PLPP2: variants seen among roughly 807,000 people sequenced by gnomAD.
The protein encoded by PLPP2 is phospholipid phosphatase 2.
PLPP2 carries 29 observed loss-of-function variants against 35.2 expected under a neutral mutation model. The observed-to-expected ratio is 0.82, with a 90% confidence interval of 0.61 to 1.12. The LOEUF (loss-of-function observed/expected upper bound fraction) is 1.12. Ranked by LOEUF, PLPP2 falls within the 50% of genes most tolerant of loss-of-function variation. PLPP2 has a pLI of 0.00. For missense variants in PLPP2, 353 were observed against 375.2 expected, an observed-to-expected ratio of 0.94 and a Z score of 0.49; for synonymous variants, 162 against 167.0, an observed-to-expected ratio of 0.97 and a Z score of 0.23.
At chr19:283,919 CA>C (rs1970226646) in intron 3 of PLPP2, 1 of 151,990 alleles carries the variant, frequency 6.6e-6, no homozygotes, top group Non-Finnish European at 1.5e-5. Flanking sequence ...CCATACGTGA[CA>C]AAAAATACAG....
Position 288,065 on chromosome 19 carries a change from G to C in PLPP2, c.159C>G (p.Thr53=), listed in dbSNP as rs1970305850. 2 of 1,613,768 alleles carry C rather than the reference G, an allele frequency of 1.2e-6. No individual in the cohort carries two copies. The highest frequency in any genetic ancestry group is 3.3e-5 in the Admixed American group (2 of 59,994). ...TGGTGACCCCAGCCATGAGCCCGTGGGTGATGGTATCTGGACGGTAGGGGT... is the reference window on the plus strand; with the variant it reads ...TGGTGACCCCAGCCATGAGCCCGTGCGTGATGGTATCTGGACGGTAGGGGT... ...IRYPYRPDTI[T]HGLMAGVTIT... is the part of the protein sequence containing the mutation. The change falls in exon 2 of 6, where the codon ACC becomes ACG. Residue 53 remains threonine (T), a synonymous_variant. Coordinates refer to ENST00000434325, the MANE Select transcript of PLPP2 (RefSeq NM_003712.4).
chr19:288,017 T>C lies in PLPP2; in HGVS notation c.204+3A>G. On this transcript the variant is annotated splice_donor_region_variant and intron_variant, in intron 2 of 5. Transcript: ENST00000434325. ...CAGTCCCTCTGAGCCCCTCCTGCCTTACAAGGATGACGGTGGCCGTGATGG... is the reference window on the plus strand; with the variant it reads ...CAGTCCCTCTGAGCCCCTCCTGCCTCACAAGGATGACGGTGGCCGTGATGG... 6.2e-7 allele frequency: 1 copy of C among 1,613,186 alleles called. No homozygotes were observed. Among genetic ancestry groups the C allele is most frequent in the Non-Finnish European group, 8.5e-7 (1 of 1,179,792 alleles).
chr19:291,268 G>T lies in PLPP2; in HGVS notation c.52+17C>A, dbSNP rs758970947. On this transcript the variant is annotated intron_variant, in intron 1 of 5. Transcript: ENST00000434325. ...CCGGGAGGGTCCCCCCAACACCCGGGTCCCCAAGGCTCTTACCGACCAGTA... is the reference window on the plus strand; with the variant it reads ...CCGGGAGGGTCCCCCCAACACCCGGTTCCCCAAGGCTCTTACCGACCAGTA... 6.3e-7 allele frequency: 1 copy of T among 1,599,850 alleles called. No individual in the cohort carries two copies. Among genetic ancestry groups the T allele is most frequent in the East Asian group, 2.3e-5 (1 of 43,490 alleles).
chr19:290,010 G>A (rs758046977), intron 1 of PLPP2, among the ~76,000 whole-genome samples: 6 of 152,236 alleles, frequency 3.9e-5, no homozygotes, highest in South Asian at 2.1e-4. Context: ...AACGACAGGC[G>A]CCGGGCTTCC....
chr19:287,905 C>G lies in PLPP2; in HGVS notation c.204+115G>C. 6.6e-7 allele frequency: 1 copy of G among 1,507,968 alleles called. No individual in the cohort carries two copies. The highest frequency in any genetic ancestry group is 9.0e-7 in the Non-Finnish European group (1 of 1,116,408). The allele number at this position is 1,507,968 out of a possible 1,614,324, so 93.4% of individuals were successfully genotyped here. A position where few individuals can be genotyped will look rare whatever the true frequency, so the allele number is the denominator to read the frequency against. The stretch of plus-strand genomic sequence containing the variant: ...CCACTCAGGGCAAGGCTGTGTCCCC[C>G]GGCCCCACACAGACCTCCAGGGCAG... On this transcript the variant is annotated intron_variant, in intron 2 of 5. Coordinates refer to ENST00000434325, the MANE Select transcript of PLPP2 (RefSeq NM_003712.4). This position sits in a 1 kb window ranked among gnomAD's most constrained non-coding sequence, Gnocchi z 4.3.
intron 4 of PLPP2, 34 bp from the exon 5 acceptor site, chr19:282,344 C>G: frequency 6.2e-7 from 1 of 1,601,944 alleles, no homozygotes; most frequent in South Asian, 1.1e-5. Flanking sequence ...AGCCTGTGCA[C>G]CTGCCAGGCG....
chr19:290,198 C>G (rs1374084146), intron 1 of PLPP2, among the ~76,000 whole-genome samples: 1 of 152,172 alleles, frequency 6.6e-6, no homozygotes, highest in Non-Finnish European at 1.5e-5. Context: ...GGCCACCACC[C>G]CTGGCACACA....
intron 1 of PLPP2, 89 bp from the exon 2 acceptor site, chr19:288,260 C>G (rs1416931830): frequency 3.8e-6 from 5 of 1,332,444 alleles, no homozygotes; most frequent in Non-Finnish European, 5.1e-6. Flanking sequence ...CTGGAGGCCT[C>G]CCACCTCTAC....
chr19:282,735 G>A lies in PLPP2; in HGVS notation c.540+17C>T, dbSNP rs141291870. On this transcript the variant is annotated intron_variant, in intron 4 of 5. Coordinates refer to ENST00000434325, the MANE Select transcript of PLPP2 (RefSeq NM_003712.4). ...CATGGTTCCCCCGAAAAGCAAGCCC[G>A]GGAGAAACAGACTCACCGCCAAGAA... 0.013 allele frequency: 21,443 copies of A among 1,609,810 alleles called. 196 individuals are homozygous for A. The highest frequency in any genetic ancestry group is 0.015 in the Non-Finnish European group (17,208 of 1,176,464).
Position 281,955 on chromosome 19 carries a change from G to T in PLPP2, c.717+179C>A. 5.8e-6 allele frequency: 4 copies of T among 687,692 alleles called. 1 individual carries two copies. Among genetic ancestry groups the T allele is most frequent in the South Asian group, 3.6e-5 (2 of 54,996 alleles). 42.6% of individuals were successfully genotyped at this position (687,692 alleles called of 1,614,324 possible). ...GGAGAAGGGGTCCAGGGGAGGACTGGGGGGAAGGATGGGGTAAAGGGAAGG... is the reference window on the plus strand; with the variant it reads ...GGAGAAGGGGTCCAGGGGAGGACTGTGGGGAAGGATGGGGTAAAGGGAAGG... On this transcript the variant is annotated intron_variant, in intron 5 of 5. Coordinates refer to ENST00000434325, the MANE Select transcript of PLPP2 (RefSeq NM_003712.4).
chr19:288,280 A>C, intron 1 of PLPP2, 109 bp from the exon 2 acceptor site: 4 of 1,182,658 alleles, frequency 3.4e-6, no homozygotes, highest in Non-Finnish European at 4.7e-6. Context: ...CTCTCACCAG[A>C]CAGCAAGGAA....
Position 287,470 on chromosome 19 carries a change from C to T in PLPP2, c.482+4G>A. 1 of 1,604,404 alleles carries T rather than the reference C, an allele frequency of 6.2e-7. No homozygotes were observed. Among genetic ancestry groups the T allele is most frequent in the Non-Finnish European group, 8.5e-7 (1 of 1,172,808 alleles). Reference sequence around the variant, plus strand: ...AAGAGTGAAGGCTGCTGGTCCACACCCACCTGGCCTCGGTGACATCAGCAG... The same window carrying T: ...AAGAGTGAAGGCTGCTGGTCCACACTCACCTGGCCTCGGTGACATCAGCAG... On this transcript the variant is annotated splice_donor_region_variant and intron_variant, in intron 3 of 5. Coordinates refer to ENST00000434325, the MANE Select transcript of PLPP2 (RefSeq NM_003712.4). This position sits in a 1 kb window ranked among gnomAD's most constrained non-coding sequence, Gnocchi z 4.3.
Position 287,287 on chromosome 19 carries a change from G to C in PLPP2, c.482+187C>G. On this transcript the variant is annotated intron_variant, in intron 3 of 5. Coordinates refer to ENST00000434325, the MANE Select transcript of PLPP2 (RefSeq NM_003712.4). The surrounding 1 kb of genome is among the most constrained non-coding windows in gnomAD (Gnocchi z 4.3). ...CCCCAAAATACTTAAAGCAAAAACT[G>C]ACAGAATGTTACAACATGGATGAAC... The C allele has an allele frequency of 2.9e-6, 2 of 697,654 alleles. No individual in the cohort carries two copies. The highest frequency in any genetic ancestry group is 4.2e-5 in the South Asian group (2 of 47,818). 43.2% of individuals were successfully genotyped at this position (697,654 alleles called of 1,614,324 possible). A position where few individuals can be genotyped will look rare whatever the true frequency, so the allele number is the denominator to read the frequency against.
At chr19:282,870 G>C in intron 3 of PLPP2, 61 bp from the exon 4 acceptor site, 1 of 1,510,534 alleles carries the variant, frequency 6.6e-7, no homozygotes, top group Non-Finnish European at 9.2e-7. Context: ...CCTTGTCCCC[G>C]CCCCGCCCAC....
intron 1 of PLPP2, among the ~76,000 whole-genome samples, chr19:290,484 C>T (rs1363997331): frequency 6.6e-6 from 1 of 152,198 alleles, no homozygotes; most frequent in Admixed American, 6.5e-5. Flanking sequence ...GGTAAGAGGA[C>T]TTGGCCTCTG....
At position 287,814 on chromosome 19, in the gene PLPP2, G is replaced by C. The variant is rs529285131; in HGVS notation, c.205-63C>G. The C allele has an allele frequency of 6.3e-7, 1 of 1,586,482 alleles. No homozygotes were observed. The highest frequency in any genetic ancestry group is 2.2e-5 in the East Asian group (1 of 44,572). ...TCGGCCCAGGGGCCCTCACTCCTCCGCACGGGCCTCCCCAAGGCTGCTGGA... is the reference window on the plus strand; with the variant it reads ...TCGGCCCAGGGGCCCTCACTCCTCCCCACGGGCCTCCCCAAGGCTGCTGGA... On this transcript the variant is annotated intron_variant, in intron 2 of 5. Transcript: ENST00000434325. The surrounding 1 kb of genome is among the most constrained non-coding windows in gnomAD (Gnocchi z 4.3).
intron 4 of PLPP2, 71 bp downstream of exon 4, chr19:282,681 C>CT (rs1970203980): frequency 6.7e-7 from 1 of 1,493,916 alleles, no homozygotes; most frequent in East Asian, 2.3e-5. Context: ...GCTGGAAAAA[C>CT]TGAGGTCCAG....
At chr19:281,793 G>T (rs1277339609) in intron 5 of PLPP2, among the ~76,000 whole-genome samples, 3 of 146,772 alleles carry the variant, frequency 2.0e-5, no homozygotes, top group Non-Finnish European at 4.5e-5. Flanking sequence ...GCACGGAAAG[G>T]AGTCCTGTGC....
chr19:290,989 C>G, intron 1 of PLPP2: 1 of 1,249,118 alleles, frequency 8.0e-7, no homozygotes, highest in South Asian at 3.5e-5. Flanking sequence ...GGCGCGCGCG[C>G]GGCCCCTCCG....
Sources: gnomAD v4.1 joint callset for allele counts (sites outside exome capture counted in the v4.1 genomes callset) on GRCh38, gnomAD v4.1.1 for gene constraint, Gnocchi (gnomAD v3.1) non-coding constraint, MANE v1.5 for transcripts, NCBI Gene and HGNC (gene_info 2026-07-23, HGNC 2026-07-21) for gene names.